CTNND2: variants seen among roughly 807,000 people sequenced by gnomAD.
CTNND2 encodes the protein catenin delta-2.
A neutral mutation model predicts 144.4 loss-of-function variants in CTNND2; 22 were observed. That is an observed-to-expected ratio of 0.15 (90% CI 0.11 to 0.22). CTNND2 has a LOEUF of 0.22. CTNND2 is among the 10% of genes least tolerant of loss of function. The pLI, the probability that CTNND2 is intolerant of heterozygous loss-of-function variation, is 1.00. For synonymous variants in CTNND2, 751 were observed against 695.6 expected, an observed-to-expected ratio of 1.08 and a Z score of -1.25; for missense variants, 1,353 against 1,618.8, an observed-to-expected ratio of 0.84 and a Z score of 2.82.
At chr5:11,196,636 C>T (rs575895746) in intron 11 of CTNND2, among the ~76,000 whole-genome samples, 49 of 152,360 alleles carry the variant, frequency 3.2e-4, no homozygotes, top group African/African-American at 9.1e-4. Context: ...GCCAGCCTTT[C>T]TTCTTGTACC....
chr5:11,761,347 A>G (rs1036351238), intron 1 of CTNND2, among the ~76,000 whole-genome samples: 5 of 152,206 alleles, frequency 3.3e-5, no homozygotes, highest in Admixed American at 6.5e-5. Flanking sequence ...CCACACATAT[A>G]ATTTGCACAA....
At chr5:11,868,397 T>C (rs1384195208) in intron 1 of CTNND2, among the ~76,000 whole-genome samples, 1 of 152,122 alleles carries the variant, frequency 6.6e-6, no homozygotes, top group African/African-American at 2.4e-5. Flanking sequence ...CCACTGAAAG[T>C]AAATTAATCA....
intron 1 of CTNND2, among the ~76,000 whole-genome samples, chr5:11,864,255 T>C (rs995575068): frequency 6.6e-6 from 1 of 152,152 alleles, no homozygotes; most frequent in Admixed American, 6.5e-5. Flanking sequence ...CAAATCGTTC[T>C]TCAATTTTAA....
intron 15 of CTNND2, among the ~76,000 whole-genome samples, chr5:11,091,981 T>A (rs1320137368): frequency 3.3e-5 from 5 of 152,204 alleles, no homozygotes; most frequent in Non-Finnish European, 7.3e-5. Context: ...TGAACTCTGA[T>A]CACTTTGATA....
At chr5:11,281,414 G>T (rs544663192) in intron 9 of CTNND2, among the ~76,000 whole-genome samples, 1 of 152,356 alleles carries the variant, frequency 6.6e-6, no homozygotes, top group East Asian at 1.9e-4. Flanking sequence ...ATAGGAAATA[G>T]AATTTCATGA....
intron 9 of CTNND2, among the ~76,000 whole-genome samples, chr5:11,307,138 T>G (rs1750320748): frequency 6.6e-6 from 1 of 152,142 alleles, no homozygotes; most frequent in Non-Finnish European, 1.5e-5. Context: ...TCAGAGTCAT[T>G]TATCAGTCTC....
chr5:11,526,542 C>A (rs755645225), intron 3 of CTNND2, among the ~76,000 whole-genome samples: 2 of 152,128 alleles, frequency 1.3e-5, no homozygotes, highest in African/African-American at 4.8e-5. Flanking sequence ...CTGGTGCCTT[C>A]GGTAGAATCA....
intron 1 of CTNND2, among the ~76,000 whole-genome samples, chr5:11,782,616 T>C (rs1029584091): frequency 9.2e-5 from 14 of 152,214 alleles, no homozygotes; most frequent in African/African-American, 3.4e-4. Context: ...AATGGTTACA[T>C]TCCACTACGA....
intron 9 of CTNND2, among the ~76,000 whole-genome samples, chr5:11,250,004 A>T (rs1186980243): frequency 6.6e-6 from 1 of 152,192 alleles, no homozygotes; most frequent in Non-Finnish European, 1.5e-5. Flanking sequence ...ATTTCTCATT[A>T]CTAGACATTA....
chr5:11,240,328 C>A (rs1296209427), intron 9 of CTNND2, among the ~76,000 whole-genome samples: 1 of 134,286 alleles, frequency 7.4e-6, no homozygotes, highest in African/African-American at 2.8e-5. Flanking sequence ...CACACACACA[C>A]CCAACACACA....
intron 2 of CTNND2, among the ~76,000 whole-genome samples, chr5:11,699,473 G>A (rs1041190944): frequency 5.9e-5 from 9 of 152,080 alleles, no homozygotes; most frequent in Admixed American, 5.2e-4. Context: ...TTGCTTATGG[G>A]GCATGAGAAA....
rs1752288957 is a variant in CTNND2, at chr5:11,323,904, C to T, written c.1628+22468G>A. 2.0e-5 allele frequency among the ~76,000 whole-genome samples: 3 copies of T among 151,988 alleles called. No homozygotes were observed. The South Asian group carries it at 6.2e-4, about 32-fold the overall frequency. On this transcript the variant is annotated intron_variant, in intron 9 of 21. Coordinates refer to ENST00000304623, the MANE Select transcript of CTNND2 (RefSeq NM_001332.4). ...GAGGTCCTAGCCAGGAACAGGATTC[C>T]CCAGCGAGGAATGGGGAATCACCCT...
intron 1 of CTNND2, among the ~76,000 whole-genome samples, chr5:11,790,846 C>T (rs1053625590): frequency 2.0e-5 from 3 of 152,100 alleles, no homozygotes; most frequent in Non-Finnish European, 4.4e-5. Flanking sequence ...GCAATTGTCA[C>T]AGAATGAATG....
At chr5:11,238,695 C>T (rs1489178764) in intron 9 of CTNND2, among the ~76,000 whole-genome samples, 6 of 152,114 alleles carry the variant, frequency 3.9e-5, no homozygotes, top group Admixed American at 3.9e-4. Context: ...TATATACACA[C>T]ACAGATATAT....
At chr5:11,745,721 A>G (rs1025192477) in intron 1 of CTNND2, among the ~76,000 whole-genome samples, 2 of 152,104 alleles carry the variant, frequency 1.3e-5, no homozygotes, top group African/African-American at 4.8e-5. Context: ...ACCTCCTTCA[A>G]TCAAGTCCAT....
At chr5:11,671,232 G>A (rs1347221173) in intron 2 of CTNND2, among the ~76,000 whole-genome samples, 1 of 152,044 alleles carries the variant, frequency 6.6e-6, no homozygotes, top group Non-Finnish European at 1.5e-5. Context: ...TTCAACCTTG[G>A]TGAATCTGAC....
At chr5:11,766,423 T>A (rs4591744) in intron 1 of CTNND2, among the ~76,000 whole-genome samples, 46 of 152,260 alleles carry the variant, frequency 3.0e-4, no homozygotes, top group African/African-American at 9.9e-4. Flanking sequence ...TGCTGTTCTC[T>A]TGAATGAATA....
intron 1 of CTNND2, among the ~76,000 whole-genome samples, chr5:11,802,250 C>T (rs1200249687): frequency 2.0e-5 from 3 of 146,756 alleles, no homozygotes; most frequent in Non-Finnish European, 1.5e-5. Flanking sequence ...CCAGCCTAGG[C>T]GATAGAGCAA....
At chr5:11,739,394 C>G (rs1247198090) in intron 1 of CTNND2, among the ~76,000 whole-genome samples, 3 of 152,148 alleles carry the variant, frequency 2.0e-5, no homozygotes, top group Admixed American at 1.3e-4. Flanking sequence ...GCCAAGATGT[C>G]AAGAATGTGG....
Sources: gnomAD v4.1 joint callset for allele counts (sites outside exome capture counted in the v4.1 genomes callset) on GRCh38, gnomAD v4.1.1 for gene constraint, MANE v1.5 for transcripts, NCBI Gene and HGNC (gene_info 2026-07-23, HGNC 2026-07-21) for gene names.